Variants in CCDC170 observed in about 807,000 individuals in gnomAD.
The protein encoded by CCDC170 is coiled-coil domain-containing protein 170.
Under a neutral mutation model 72.6 loss-of-function variants are expected in CCDC170, and 69 were observed. The observed-to-expected ratio is 0.95, with a 90% CI of 0.78 to 1.16. The LOEUF is 1.16. Among genes scored for constraint, CCDC170 ranks in the 50% most tolerant of loss-of-function variants. The probability of loss-of-function intolerance (pLI) is 0.00; values close to 1 mark genes in which losing one functional copy is unlikely to be tolerated. For synonymous variants in CCDC170, 300 were observed against 303.9 expected, an observed-to-expected ratio of 0.99 and a Z score of 0.13; for missense variants, 852 against 832.5, an observed-to-expected ratio of 1.02 and a Z score of -0.29.
chr6:151,523,133 A>G (rs550777749), intron 1 of CCDC170, among the ~76,000 whole-genome samples: 1 of 152,174 alleles, frequency 6.6e-6, no homozygotes, highest in South Asian at 2.1e-4. Context: ...ATGTGTTTAC[A>G]AAATGGGCCA....
chr6:151,562,269 T>A (rs913268595), intron 5 of CCDC170, among the ~76,000 whole-genome samples: 1 of 152,210 alleles, frequency 6.6e-6, no homozygotes, highest in Non-Finnish European at 1.5e-5. Flanking sequence ...GTGCAATGCT[T>A]TGGAGGTGTC....
At chr6:151,580,202 C>T (rs11155797) in intron 6 of CCDC170, among the ~76,000 whole-genome samples, 68,559 of 151,786 alleles carry the variant, frequency 0.45, 18,065 homozygotes, top group Non-Finnish European at 0.6. Flanking sequence ...TCCCTCTCTC[C>T]GCTTGAGGTT....
At chr6:151,572,592 G>A (rs1409789489) in intron 5 of CCDC170, among the ~76,000 whole-genome samples, 12 of 142,630 alleles carry the variant, frequency 8.4e-5, no homozygotes, top group Admixed American at 8.3e-4. Context: ...AGGCTTATGT[G>A]TCAAAGTTTC....
At chr6:151,525,087 T>C (rs1000861955) in intron 1 of CCDC170, among the ~76,000 whole-genome samples, 2 of 152,032 alleles carry the variant, frequency 1.3e-5, no homozygotes, top group Non-Finnish European at 2.9e-5. Flanking sequence ...TGCCCGCCAC[T>C]GCACCCAGCT....
At chr6:151,541,723 A>G (rs1583017695) in intron 3 of CCDC170, among the ~76,000 whole-genome samples, 1 of 150,902 alleles carries the variant, frequency 6.6e-6, no homozygotes, top group East Asian at 1.9e-4. Context: ...GCTATAATTA[A>G]TATTAATATT....
In CCDC170 at chr6:151,586,093, A is replaced by G. The variant is rs762483704; in HGVS notation, c.1293+4A>G. On this transcript the variant is annotated splice_donor_region_variant and intron_variant, in intron 7 of 10. Transcript: ENST00000239374. ...CTTGAATTTTGAGAAACAAAAAGTA[A>G]TGACCCGAGGGCATGTCCATGAGTG... 8.7e-6 allele frequency: 14 copies of G among 1,613,912 alleles called. No homozygotes were observed. Among genetic ancestry groups the G allele is most frequent in the Admixed American group, 1.7e-5 (1 of 60,000 alleles).
chr6:151,499,055 TA>T lies in CCDC170; in HGVS notation c.57+4871del, dbSNP rs1248471714. On this transcript the variant is annotated intron_variant, in intron 1 of 10. Transcript: ENST00000239374. The stretch of plus-strand genomic sequence containing the variant: ...TAAGTGGAATCAGACTGTATTTGAC[TA>T]TTCTAGGCACTCTGTATAAGTGGAA... Among the ~76,000 whole-genome samples, 11 of 141,844 alleles carry T rather than the reference TA, an allele frequency of 7.8e-5. 1 individual carries two copies. Among genetic ancestry groups the T allele is most frequent in the African/African-American group, 3.0e-4 (11 of 36,322 alleles). 93.1% of individuals were successfully genotyped at this position (141,844 alleles called of 152,430 possible).
At chr6:151,536,490 C>T (rs2115046153) in intron 2 of CCDC170, 44 bp downstream of exon 2, 1 of 1,605,482 alleles carries the variant, frequency 6.2e-7, no homozygotes, top group South Asian at 1.1e-5. Context: ...GCCTTCTTAG[C>T]TTCTTATAAA....
chr6:151,537,039 C>T (rs1782600666), intron 2 of CCDC170, among the ~76,000 whole-genome samples: 2 of 152,048 alleles, frequency 1.3e-5, no homozygotes, highest in African/African-American at 4.8e-5. Context: ...GCTCCATGGG[C>T]CTCAGAGAAA....
Position 151,499,231 on chromosome 6 carries a change from C to G in CCDC170, c.57+5046C>G, listed in dbSNP as rs1280072608. Among the ~76,000 whole-genome samples the G allele has an allele frequency of 1.5e-5, 2 of 133,266 alleles. 1 individual carries two copies. The highest frequency in any genetic ancestry group is 3.1e-5 in the Non-Finnish European group (2 of 65,314). 87.4% of individuals were successfully genotyped at this position (133,266 alleles called of 152,430 possible). A position where few individuals can be genotyped will look rare whatever the true frequency, so the allele number is the denominator to read the frequency against. The stretch of plus-strand genomic sequence containing the variant: ...TGGAATCAGACTGTATTTGACTCTT[C>G]TAGGCATGCTGTATAAGTGGAATCA... On this transcript the variant is annotated intron_variant, in intron 1 of 10. Transcript: ENST00000239374.
chr6:151,532,345 G>A (rs1353080136), intron 1 of CCDC170, among the ~76,000 whole-genome samples: 2 of 152,066 alleles, frequency 1.3e-5, no homozygotes, highest in Non-Finnish European at 2.9e-5. Context: ...AGTGGCTCAT[G>A]CCTGTAATCA....
intron 1 of CCDC170, among the ~76,000 whole-genome samples, chr6:151,512,059 A>G (rs1782158055): frequency 6.6e-6 from 1 of 151,720 alleles, no homozygotes; most frequent in Non-Finnish European, 1.5e-5. Context: ...TGCCCAGGCT[A>G]GTCTCAGACT....
At chr6:151,579,118 T>G (rs1223334822) in intron 6 of CCDC170, among the ~76,000 whole-genome samples, 1 of 152,022 alleles carries the variant, frequency 6.6e-6, no homozygotes, top group Admixed American at 6.5e-5. Context: ...TGCCCACCTC[T>G]AGTGTTGAAA....
chr6:151,524,985 T>C (rs979902698), intron 1 of CCDC170, among the ~76,000 whole-genome samples: 1 of 139,330 alleles, frequency 7.2e-6, no homozygotes, highest in Non-Finnish European at 1.5e-5. Context: ...CAGGCTGGAG[T>C]GCAGTGGTGC....
chr6:151,572,649 G>GTTTT (rs1213267537), intron 5 of CCDC170, among the ~76,000 whole-genome samples: 20 of 37,964 alleles, frequency 5.3e-4, no homozygotes, highest in South Asian at 3.4e-3. Context: ...CCTTCTCTGT[G>GTTTT]TTTTTTTTTT....
At chr6:151,586,185 T>C in intron 7 of CCDC170, 96 bp downstream of exon 7, 1 of 1,286,028 alleles carries the variant, frequency 7.8e-7, no homozygotes, top group Non-Finnish European at 1.1e-6. Context: ...TTAGTTTGGT[T>C]AAGTCCTGGA....
chr6:151,584,777 G>T (rs1776429000), intron 6 of CCDC170, among the ~76,000 whole-genome samples: 2 of 152,032 alleles, frequency 1.3e-5, no homozygotes, highest in African/African-American at 4.8e-5. Context: ...AAATCCTTTT[G>T]TTCTCCCATA....
chr6:151,554,616 C>T lies in CCDC170; in HGVS notation c.774+6127C>T, dbSNP rs143035255. On this transcript the variant is annotated intron_variant, in intron 5 of 10. Coordinates refer to ENST00000239374, the MANE Select transcript of CCDC170 (RefSeq NM_025059.4). ...GTGGGCACCTGTAATCCCAGCTACTCGGGAGGCTGAGGTAGAAGAATCGCT... is the reference window on the plus strand; with the variant it reads ...GTGGGCACCTGTAATCCCAGCTACTTGGGAGGCTGAGGTAGAAGAATCGCT... Among the ~76,000 whole-genome samples, 114 of 151,954 alleles carry T rather than the reference C, an allele frequency of 7.5e-4. No homozygotes were observed. In the East Asian group the frequency reaches 0.021, roughly 28 times the overall value.
At chr6:151,578,734 G>A (rs924259844) in intron 6 of CCDC170, among the ~76,000 whole-genome samples, 3 of 152,190 alleles carry the variant, frequency 2.0e-5, no homozygotes, top group Non-Finnish European at 4.4e-5. Flanking sequence ...AAGGGAAGGA[G>A]GATTTGGTCG....
Sources: allele counts gnomAD v4.1 joint callset (sites outside exome capture counted in the v4.1 genomes callset), GRCh38; gene constraint gnomAD v4.1.1; transcripts MANE v1.5; gene names NCBI Gene and HGNC (gene_info 2026-07-23, HGNC 2026-07-21).